The following ADAMTS17 variants were observed in gnomAD, a reference collection of about 807,000 sequenced individuals.
ADAMTS17 encodes the protein ADAM metallopeptidase with thrombospondin type 1 motif 17.
ADAMTS17 carries 113 observed loss-of-function variants against 141.5 expected under a neutral mutation model. The observed-to-expected ratio is 0.80, with a 90% CI of 0.69 to 0.93. The LOEUF is 0.93. Among genes scored for constraint, ADAMTS17 ranks in the 40% least tolerant of loss-of-function variants. ADAMTS17 has a pLI of 0.00. For synonymous variants in ADAMTS17, 768 were observed against 630.6 expected (o/e 1.22, Z -3.27); for missense variants, 1,659 against 1,517.9 (o/e 1.09, Z -1.54).
At chr15:100,043,799 G>C (rs1033394899) in intron 18 of ADAMTS17, among the ~76,000 whole-genome samples, 10 of 152,242 alleles carry the variant, frequency 6.6e-5, no homozygotes, top group African/African-American at 1.9e-4. Flanking sequence ...TTCTGAAATT[G>C]CTTTTAGTCT....
chr15:100,076,854 T>C (rs889467400), intron 15 of ADAMTS17, among the ~76,000 whole-genome samples: 2 of 152,236 alleles, frequency 1.3e-5, no homozygotes, highest in African/African-American at 4.8e-5. Context: ...AACTCAATAT[T>C]ATATCATACT....
intron 17 of ADAMTS17, among the ~76,000 whole-genome samples, chr15:100,051,162 G>A (rs1292979319): frequency 6.6e-6 from 1 of 152,180 alleles, no homozygotes; most frequent in Non-Finnish European, 1.5e-5. Flanking sequence ...TTGTATCCTG[G>A]AGTGAGGTGA....
At chr15:100,213,547 C>G (rs567625231) in intron 7 of ADAMTS17, among the ~76,000 whole-genome samples, 12 of 152,306 alleles carry the variant, frequency 7.9e-5, no homozygotes, top group South Asian at 6.2e-4. Context: ...CAGAAAAGAG[C>G]TGTGTTATTT....
At chr15:100,041,683 T>G (rs1348146952) in intron 18 of ADAMTS17, among the ~76,000 whole-genome samples, 2 of 152,202 alleles carry the variant, frequency 1.3e-5, no homozygotes, top group Non-Finnish European at 2.9e-5. Flanking sequence ...GTGTGTGAGA[T>G]GCTGGGGAGA....
intron 8 of ADAMTS17, among the ~76,000 whole-genome samples, chr15:100,195,056 C>A (rs1319579328): frequency 6.6e-6 from 1 of 152,278 alleles, no homozygotes; most frequent in Non-Finnish European, 1.5e-5. Flanking sequence ...TTTCTAATTA[C>A]TAGCTGAACC....
At chr15:99,975,504 A>C (rs2573655) in intron 21 of ADAMTS17, among the ~76,000 whole-genome samples, 103,846 of 151,906 alleles carry the variant, frequency 0.68, 35,750 homozygotes, top group Non-Finnish European at 0.71. Context: ...AGCCACCACA[A>C]CCAGCCAGAT....
chr15:100,058,340 TCTAACACCCCTATCCC>T (rs1227745509), intron 15 of ADAMTS17, among the ~76,000 whole-genome samples: 2 of 151,710 alleles, frequency 1.3e-5, no homozygotes, highest in Non-Finnish European at 2.9e-5. Flanking sequence ...CTATCCCGGC[TCTAACACCCCTATCCC>T]GGCTCTAACC....
intron 8 of ADAMTS17, among the ~76,000 whole-genome samples, chr15:100,186,888 C>T (rs10152381): frequency 0.013 from 1,991 of 152,292 alleles, 44 homozygotes; most frequent in African/African-American, 0.044. Context: ...ATATTAATAT[C>T]GTAAGTTGAA....
intron 10 of ADAMTS17, among the ~76,000 whole-genome samples, chr15:100,139,895 C>T (rs1159023728): frequency 6.6e-6 from 1 of 152,206 alleles, no homozygotes; most frequent in Non-Finnish European, 1.5e-5. Flanking sequence ...GATGGAAAAA[C>T]TGGTGAAATC....
At chr15:100,206,775 G>C (rs1414709326) in intron 7 of ADAMTS17, among the ~76,000 whole-genome samples, 1 of 152,202 alleles carries the variant, frequency 6.6e-6, no homozygotes, top group African/African-American at 2.4e-5. Flanking sequence ...TCTCCCTTCA[G>C]AGATTCAAAT....
At chr15:99,995,087 T>G (rs959051927) in intron 19 of ADAMTS17, among the ~76,000 whole-genome samples, 2 of 152,018 alleles carry the variant, frequency 1.3e-5, no homozygotes, top group African/African-American at 2.4e-5. Context: ...GGAGCAGGGG[T>G]AGGAGGCTGA....
At chr15:100,115,442 G>C (rs1205484319) in intron 13 of ADAMTS17, among the ~76,000 whole-genome samples, 2 of 152,218 alleles carry the variant, frequency 1.3e-5, no homozygotes, top group African/African-American at 4.8e-5. Context: ...CAAAGGTGGT[G>C]TTCTTTTTAA....
At chr15:100,194,392 C>T (rs2041035324) in intron 8 of ADAMTS17, among the ~76,000 whole-genome samples, 1 of 152,236 alleles carries the variant, frequency 6.6e-6, no homozygotes, top group Non-Finnish European at 1.5e-5. Context: ...ACACAAGGCA[C>T]TCAGCAGCCT....
chr15:100,081,113 G>A (rs562549820), intron 15 of ADAMTS17, among the ~76,000 whole-genome samples: 3 of 152,158 alleles, frequency 2.0e-5, no homozygotes, highest in Admixed American at 1.3e-4. Context: ...TTAATCTGGT[G>A]GGCACAATCT....
At chr15:100,306,369 T>G (rs1179661121) in intron 3 of ADAMTS17, 1 of 410,778 alleles carries the variant, frequency 2.4e-6, no homozygotes, top group Non-Finnish European at 4.9e-6. Context: ...CGGGAACTCT[T>G]GCATTGGGAG....
intron 6 of ADAMTS17, among the ~76,000 whole-genome samples, chr15:100,259,124 A>G (rs2043430070): frequency 6.6e-6 from 1 of 152,244 alleles, no homozygotes; most frequent in South Asian, 2.1e-4. Context: ...GTATTTATGA[A>G]AACTCTTCTC....
At position 99,974,573 on chromosome 15, in the gene ADAMTS17, AG is replaced by A; in HGVS notation, c.3128-12del. 3 of 1,614,148 alleles carry A rather than the reference AG, an allele frequency of 1.9e-6. No homozygotes were observed. Among genetic ancestry groups the A allele is most frequent in the Non-Finnish European group, 2.5e-6 (3 of 1,179,958 alleles). On this transcript the variant is annotated splice_polypyrimidine_tract_variant and intron_variant, in intron 21 of 21. Transcript: ENST00000268070. ...TGTAGGTCAGAGCAGCTAAGGGGAT[AG>A]GAGAGAGAATACCCAGGGTCAGGGA...
intron 4 of ADAMTS17, among the ~76,000 whole-genome samples, chr15:100,273,744 GTTC>G (rs1427768661): frequency 6.6e-6 from 1 of 152,104 alleles, no homozygotes; most frequent in Admixed American, 6.5e-5. Flanking sequence ...AAAATAGCTT[GTTC>G]TTCTTCTAGT....
At chr15:100,243,889 C>G (rs576047072) in intron 7 of ADAMTS17, among the ~76,000 whole-genome samples, 1 of 151,980 alleles carries the variant, frequency 6.6e-6, no homozygotes, top group Non-Finnish European at 1.5e-5. Flanking sequence ...CGCTTTAACC[C>G]TCACAACAAC....
Sources: gnomAD v4.1 joint callset for allele counts (sites outside exome capture counted in the v4.1 genomes callset) on GRCh38, gnomAD v4.1.1 for gene constraint, MANE v1.5 for transcripts, NCBI Gene and HGNC (gene_info 2026-07-23, HGNC 2026-07-21) for gene names.